MYT1L: variants seen among roughly 807,000 people sequenced by gnomAD.
MYT1L encodes myelin transcription factor 1 like.
Under a neutral mutation model 126.7 loss-of-function variants are expected in MYT1L, and 12 were observed. The observed-to-expected ratio is 0.09, with a 90% confidence interval of 0.06 to 0.15. The LOEUF (loss-of-function observed/expected upper bound fraction) is 0.15. MYT1L is among the 10% of genes least tolerant of loss of function. The probability of loss-of-function intolerance (pLI) is 1.00; values close to 1 mark genes in which losing one functional copy is unlikely to be tolerated. For synonymous variants in MYT1L, 541 were observed against 604.2 expected (o/e 0.90, Z 1.53); for missense variants, 979 against 1,585.2 (o/e 0.62, Z 6.49).
intron 2 of MYT1L, among the ~76,000 whole-genome samples, chr2:2,238,772 C>T (rs2094378937): frequency 6.6e-6 from 1 of 152,242 alleles, no homozygotes; most frequent in African/African-American, 2.4e-5. Context: ...AAATACATCT[C>T]TACATGTTCC....
intron 21 of MYT1L, among the ~76,000 whole-genome samples, chr2:1,837,750 C>G (rs1400384455): frequency 4.6e-5 from 7 of 151,986 alleles, no homozygotes; most frequent in Non-Finnish European, 8.8e-5. Context: ...AGCTGAGGCC[C>G]CTGTCCTCAT....
intron 3 of MYT1L, among the ~76,000 whole-genome samples, chr2:2,131,763 T>A (rs946092364): frequency 2.0e-5 from 3 of 152,116 alleles, no homozygotes; most frequent in African/African-American, 7.2e-5. Flanking sequence ...TCTTCCCAAG[T>A]GGGAACTCGG....
chr2:1,980,305 T>C (rs1308761644), intron 5 of MYT1L, among the ~76,000 whole-genome samples: 1 of 144,162 alleles, frequency 6.9e-6, no homozygotes, highest in African/African-American at 2.7e-5. Context: ...ATATATAGTT[T>C]ATATTTATAT....
At chr2:2,270,879 T>C (rs550963101) in intron 2 of MYT1L, among the ~76,000 whole-genome samples, 1 of 152,006 alleles carries the variant, frequency 6.6e-6, no homozygotes, top group African/African-American at 2.4e-5. Context: ...GACCTTCCTC[T>C]TTAAAAATCG....
At position 1,979,191 on chromosome 2, in the gene MYT1L, G is replaced by A. The variant is rs1343576588; in HGVS notation, c.126C>T (p.Val42=). 18 of 1,613,758 alleles carry A rather than the reference G, an allele frequency of 1.1e-5. No homozygotes were observed. The Admixed American group carries it at 1.3e-4, about 12-fold the overall frequency. ...TTCTGTGTCTTGCATATTTGCCACT[G>A]ACATGACCACTGCCGTCACAGCCAG... ...PTPGCDGSGH[V]SGKYARHRSV... The change falls in exon 8 of 25, where the codon GTC becomes GTT. Residue 42 remains valine, a synonymous_variant. Transcript: ENST00000647738. This position sits in a 1 kb window ranked among gnomAD's most constrained non-coding sequence, Gnocchi z 4.0.
chr2:1,961,494 C>T (rs1399695665), intron 8 of MYT1L, among the ~76,000 whole-genome samples: 4 of 152,152 alleles, frequency 2.6e-5, no homozygotes, highest in African/African-American at 9.7e-5. Flanking sequence ...TAAAGCAGTT[C>T]TTGCTCAGAA....
rs144562062 is a variant in MYT1L at position 2,126,514 on chromosome 2, T to C, written c.-304+46358A>G. ...TGCTTATCAAGATAACCTCAGCCCC[T>C]TGCCATAGGGTGGGTAGGGATTGGC... On this transcript the variant is annotated intron_variant, in intron 3 of 24. Transcript: ENST00000647738. 3.8e-3 allele frequency among the ~76,000 whole-genome samples: 582 copies of C among 152,226 alleles called. 1 individual carries two copies. The highest frequency in any genetic ancestry group is 0.013 in the African/African-American group (553 of 41,544).
At chr2:2,277,067 C>T (rs1488752400) in intron 2 of MYT1L, among the ~76,000 whole-genome samples, 1 of 152,056 alleles carries the variant, frequency 6.6e-6, no homozygotes, top group African/African-American at 2.4e-5. Context: ...CTGCAACCTC[C>T]ACCTCCCTGG....
At chr2:2,239,022 C>T (rs1229568380) in intron 2 of MYT1L, among the ~76,000 whole-genome samples, 3 of 152,236 alleles carry the variant, frequency 2.0e-5, no homozygotes, top group African/African-American at 7.2e-5. Flanking sequence ...ACCCAGCCTA[C>T]TGGCCACACT....
rs1487861063 is a variant in MYT1L, at chr2:1,892,279, A to G, written c.2041T>C (p.Tyr681His). 1.3e-6 allele frequency: 2 copies of G among 1,548,342 alleles called. No individual in the cohort carries two copies. Among genetic ancestry groups the G allele is most frequent in the Non-Finnish European group, 1.7e-6 (2 of 1,146,136 alleles). Residue 681 changes from tyrosine (Y) to histidine (H), a missense_variant, in exon 15 of 25, where the codon TAC becomes CAC. By Grantham distance (83) the Tyr-to-His change is moderately conservative. This residue lies in a region of MYT1L where 57 missense variants were observed against 60.3 expected (regional missense o/e 0.94). Coordinates refer to ENST00000647738, the MANE Select transcript of MYT1L (RefSeq NM_001303052.2). ...SPKGYDDAKR[Y>H]CKDPSPSSSS... ...CTGCTGGGGCTGGGGTCCTTGCAGT[A>G]CCGCTTCGCTGGGGAGACAGGGACA...
In MYT1L at chr2:2,201,562, G is replaced by T. The variant is rs536680261; in HGVS notation, c.-420-28574C>A. On this transcript the variant is annotated intron_variant, in intron 2 of 24. Transcript: ENST00000647738. ...AAAATACACAAATTAGCTGGGCGTG[G>T]TGGCAGGTACCTGTAATCCCAGCTA... Among the ~76,000 whole-genome samples the T allele has an allele frequency of 3.3e-5, 5 of 152,142 alleles. No homozygotes were observed. The South Asian group carries it at 1.0e-3, about 32-fold the overall frequency.
chr2:1,992,111 T>C (rs753572546), intron 5 of MYT1L, among the ~76,000 whole-genome samples: 10 of 152,176 alleles, frequency 6.6e-5, no homozygotes, highest in South Asian at 4.1e-4. Flanking sequence ...TCCTTTCTCC[T>C]TCCTCACCGT....
chr2:2,033,892 C>T (rs1032939652), intron 4 of MYT1L, among the ~76,000 whole-genome samples: 3 of 152,156 alleles, frequency 2.0e-5, no homozygotes, highest in Non-Finnish European at 4.4e-5. Flanking sequence ...TTCCCACATC[C>T]CAGGTGCATT....
chr2:1,937,225 T>C (rs1327703092), intron 9 of MYT1L, among the ~76,000 whole-genome samples: 1 of 152,176 alleles, frequency 6.6e-6, no homozygotes, highest in Non-Finnish European at 1.5e-5. Flanking sequence ...ACATCGACTC[T>C]GCCTCAGGGC....
intron 5 of MYT1L, among the ~76,000 whole-genome samples, chr2:1,987,003 T>G (rs2061084702): frequency 1.3e-5 from 2 of 152,204 alleles, no homozygotes; most frequent in African/African-American, 4.8e-5. Flanking sequence ...GTTGTTGTTG[T>G]TGGTAAAATA....
At chr2:2,108,217 A>G (rs1368275807) in intron 3 of MYT1L, among the ~76,000 whole-genome samples, 1 of 152,106 alleles carries the variant, frequency 6.6e-6, no homozygotes, top group East Asian at 1.9e-4. Context: ...ATCCCAGTGT[A>G]CCAACTCTAC....
chr2:2,154,453 G>A (rs1055549368), intron 3 of MYT1L, among the ~76,000 whole-genome samples: 1 of 152,192 alleles, frequency 6.6e-6, no homozygotes, highest in South Asian at 2.1e-4. Flanking sequence ...TAGTAGACTG[G>A]ATAAAGAAAA....
rs1247951099 is a variant in MYT1L at position 2,059,795 on chromosome 2, T to C, written c.-303-5672A>G. On this transcript the variant is annotated intron_variant, in intron 3 of 24. Coordinates refer to ENST00000647738, the MANE Select transcript of MYT1L (RefSeq NM_001303052.2). This position sits in a 1 kb window ranked among gnomAD's most constrained non-coding sequence, Gnocchi z 4.7. ...ATAAATAATTATAAACGGATGACTG[T>C]CACTGAAAATGTGGTGGGTTTCCTA... 6.6e-6 allele frequency among the ~76,000 whole-genome samples: 1 copy of C among 152,192 alleles called. No homozygotes were observed. The highest frequency in any genetic ancestry group is 1.5e-5 in the Non-Finnish European group (1 of 68,044).
At chr2:1,984,701 G>A (rs985748058) in intron 5 of MYT1L, among the ~76,000 whole-genome samples, 3 of 151,566 alleles carry the variant, frequency 2.0e-5, no homozygotes, top group African/African-American at 4.9e-5. Context: ...AGTAGAGACA[G>A]GGTTTCACCG....
Sources: allele counts gnomAD v4.1 joint callset (sites outside exome capture counted in the v4.1 genomes callset), GRCh38; gene constraint gnomAD v4.1.1; regional missense constraint gnomAD v4.1.1; non-coding constraint Gnocchi (gnomAD v3.1); transcripts MANE v1.5; gene names NCBI Gene and HGNC (gene_info 2026-07-23, HGNC 2026-07-21).